The following PHLPP1 variants were observed in gnomAD, a reference collection of about 807,000 sequenced individuals.
PHLPP1 encodes the protein PH domain and leucine rich repeat protein phosphatase 1.
A neutral mutation model predicts 117.2 loss-of-function variants in PHLPP1; 42 were observed. The ratio of observed to expected loss-of-function variants is 0.36; its 90% CI spans 0.28 to 0.46. The LOEUF (loss-of-function observed/expected upper bound fraction) is 0.46, where lower values mean the gene tolerates loss of function less well. PHLPP1 is among the 20% of genes least tolerant of loss of function. The pLI is 1.00. For missense variants in PHLPP1, 2,084 were observed against 2,241.9 expected (o/e 0.93, Z 1.42); for synonymous variants, 1,042 against 970.7 (o/e 1.07, Z -1.37).
At chr18:62,933,766 T>G (rs1404587282) in intron 10 of PHLPP1, among the ~76,000 whole-genome samples, 1 of 152,072 alleles carries the variant, frequency 6.6e-6, no homozygotes, top group African/African-American at 2.4e-5. Context: ...TTAATTAAAC[T>G]AAAGAGCTTC....
At chr18:62,967,559 T>C (rs992658748) in intron 14 of PHLPP1, among the ~76,000 whole-genome samples, 2 of 152,178 alleles carry the variant, frequency 1.3e-5, no homozygotes, top group Non-Finnish European at 2.9e-5. Flanking sequence ...AATGTGATGT[T>C]AGCTCTCGGT....
chr18:62,938,832 G>T (rs1910046308), intron 10 of PHLPP1, among the ~76,000 whole-genome samples: 1 of 152,100 alleles, frequency 6.6e-6, no homozygotes, highest in Admixed American at 6.6e-5. Context: ...CAGCTTTCTA[G>T]ATGAGCATTC....
chr18:62,808,914 A>AG, intron 1 of PHLPP1, among the ~76,000 whole-genome samples: 1 of 152,262 alleles, frequency 6.6e-6, no homozygotes, highest in South Asian at 2.1e-4. Context: ...TAGTTTCTAC[A>AG]AAATTATACT....
chr18:62,732,967 C>T (rs1162392082), intron 1 of PHLPP1, among the ~76,000 whole-genome samples: 6 of 152,174 alleles, frequency 3.9e-5, no homozygotes, highest in African/African-American at 1.4e-4. Flanking sequence ...TATGGACAAG[C>T]AAAGAAAGTG....
intron 14 of PHLPP1, among the ~76,000 whole-genome samples, chr18:62,965,896 TACTA>T (rs1910888919): frequency 1.3e-5 from 2 of 151,496 alleles, no homozygotes; most frequent in South Asian, 4.2e-4. Flanking sequence ...TTCTCTTTCA[TACTA>T]CCTCATTCCA....
In PHLPP1 at chr18:62,895,172, C is replaced by T. The variant is rs779714268; in HGVS notation, c.2213+15C>T. 1.9e-6 allele frequency: 3 copies of T among 1,611,136 alleles called. No homozygotes were observed. The highest frequency in any genetic ancestry group is 2.5e-6 in the Non-Finnish European group (3 of 1,178,266). On this transcript the variant is annotated intron_variant, in intron 5 of 16. Coordinates refer to ENST00000262719, the MANE Select transcript of PHLPP1 (RefSeq NM_194449.4). Reference sequence around the variant, plus strand: ...GTGATGCACAAGTGTGTACTTCAAACCCCACTGGCGGGTATATCCAGAAGC... The same window carrying T: ...GTGATGCACAAGTGTGTACTTCAAATCCCACTGGCGGGTATATCCAGAAGC...
chr18:62,735,592 AACAACAACAAC>A, intron 1 of PHLPP1, among the ~76,000 whole-genome samples: 2 of 152,224 alleles, frequency 1.3e-5, no homozygotes, highest in South Asian at 4.1e-4. Context: ...CAACAACAAC[AACAACAACAAC>A]AAAACCAGTT....
At chr18:62,760,296 T>G (rs1170082979) in intron 1 of PHLPP1, among the ~76,000 whole-genome samples, 1 of 152,246 alleles carries the variant, frequency 6.6e-6, no homozygotes, top group African/African-American at 2.4e-5. Context: ...CATGGTCTCC[T>G]GTTCCCAGTC....
chr18:62,864,082 C>T (rs1915706125), intron 4 of PHLPP1, among the ~76,000 whole-genome samples: 1 of 151,926 alleles, frequency 6.6e-6, no homozygotes, highest in Non-Finnish European at 1.5e-5. Context: ...AGTGCAGTGG[C>T]ACAGTCTCGG....
chr18:62,748,401 C>T (rs1432993511), intron 1 of PHLPP1, among the ~76,000 whole-genome samples: 1 of 152,022 alleles, frequency 6.6e-6, no homozygotes, highest in Non-Finnish European at 1.5e-5. Context: ...TATGCCACCA[C>T]ACTCGGCTAA....
At chr18:62,851,010 A>G (rs889102780) in intron 3 of PHLPP1, among the ~76,000 whole-genome samples, 3 of 152,152 alleles carry the variant, frequency 2.0e-5, no homozygotes, top group Non-Finnish European at 2.9e-5. Context: ...AATTACAGTT[A>G]TTTAGATGTG....
At chr18:62,893,401 C>T (rs534052970) in intron 4 of PHLPP1, among the ~76,000 whole-genome samples, 4 of 152,106 alleles carry the variant, frequency 2.6e-5, no homozygotes, top group Non-Finnish European at 4.4e-5. Context: ...AGTTTAAAAA[C>T]GATTATCCAG....
At chr18:62,903,533 G>T (rs140368347) in intron 7 of PHLPP1, among the ~76,000 whole-genome samples, 1 of 152,206 alleles carries the variant, frequency 6.6e-6, no homozygotes, top group East Asian at 1.9e-4. Context: ...GAGAATGAAA[G>T]GAAGTTTTAT....
intron 3 of PHLPP1, among the ~76,000 whole-genome samples, chr18:62,849,693 G>A (rs1050687837): frequency 6.9e-6 from 1 of 144,316 alleles, no homozygotes; most frequent in African/African-American, 2.6e-5. Context: ...GTGAATGGTG[G>A]TTCATGCCTG....
At chr18:62,774,878 C>G (rs1912902375) in intron 1 of PHLPP1, among the ~76,000 whole-genome samples, 1 of 151,650 alleles carries the variant, frequency 6.6e-6, no homozygotes, top group Non-Finnish European at 1.5e-5. Flanking sequence ...AAAATAAAAC[C>G]CTTCTTAGTT....
chr18:62,785,845 C>T (rs1913268197), intron 1 of PHLPP1, among the ~76,000 whole-genome samples: 1 of 152,150 alleles, frequency 6.6e-6, no homozygotes, highest in African/African-American at 2.4e-5. Flanking sequence ...GAGTGGTAAG[C>T]TGAACTGAAT....
rs1422687288 is a variant in PHLPP1, at chr18:62,896,277, G to GT, written c.2444+274dup. On this transcript the variant is annotated intron_variant, in intron 6 of 16. Transcript: ENST00000262719. ...TTTTTTGTTGTTGTTGTTGGTTTTT[G>GT]TTTTTTTTGTTGTTCTTGTTTTTTT... Among the ~76,000 whole-genome samples, 68 of 143,132 alleles carry GT rather than the reference G, an allele frequency of 4.8e-4. 2 individuals carry two copies. The East Asian group carries it at 5.7e-3, about 12-fold the overall frequency. 93.9% of individuals were successfully genotyped at this position (143,132 alleles called of 152,430 possible).
At chr18:62,913,004 C>G (rs1917000714) in intron 8 of PHLPP1, among the ~76,000 whole-genome samples, 1 of 152,208 alleles carries the variant, frequency 6.6e-6, no homozygotes, top group African/African-American at 2.4e-5. Context: ...ATTGAAACCC[C>G]TAAGTGAGAC....
intron 12 of PHLPP1, among the ~76,000 whole-genome samples, chr18:62,954,901 G>A (rs998085880): frequency 6.6e-6 from 1 of 152,074 alleles, no homozygotes; most frequent in Non-Finnish European, 1.5e-5. Context: ...GCAATCATTT[G>A]TTCATCCTTT....
Sources: allele counts gnomAD v4.1 joint callset (sites outside exome capture counted in the v4.1 genomes callset), GRCh38; gene constraint gnomAD v4.1.1; transcripts MANE v1.5; gene names NCBI Gene and HGNC (gene_info 2026-07-23, HGNC 2026-07-21).